MKLN1: variants seen among roughly 807,000 people sequenced by gnomAD.
MKLN1 encodes muskelin.
In MKLN1, 18 loss-of-function variants were observed where a neutral mutation model predicts 99.0. The ratio of observed to expected loss-of-function variants is 0.18; its 90% CI spans 0.13 to 0.27. MKLN1 has a LOEUF of 0.27. MKLN1 is among the 10% of genes least tolerant of loss of function. The probability of loss-of-function intolerance (pLI) is 1.00; values close to 1 mark genes in which losing one functional copy is unlikely to be tolerated. For synonymous variants in MKLN1, 288 were observed against 293.2 expected (o/e 0.98, Z 0.18); for missense variants, 621 against 875.9 (o/e 0.71, Z 3.67).
intron 6 of MKLN1, among the ~76,000 whole-genome samples, chr7:131,403,637 G>A (rs1056741424): frequency 4.6e-5 from 7 of 152,088 alleles, no homozygotes; most frequent in Non-Finnish European, 4.4e-5. Context: ...CTTAAAGGCC[G>A]TGGTAAAGAT....
intron 3 of MKLN1, among the ~76,000 whole-genome samples, chr7:131,251,421 C>T (rs969939566): frequency 1.3e-5 from 2 of 152,142 alleles, no homozygotes; most frequent in Non-Finnish European, 2.9e-5. Context: ...GGCCAAAGTC[C>T]TCATCTTATA....
chr7:131,302,242 G>T (rs747871151), intron 3 of MKLN1, among the ~76,000 whole-genome samples: 14 of 152,222 alleles, frequency 9.2e-5, no homozygotes, highest in Non-Finnish European at 1.8e-4. Flanking sequence ...CAATAACCAG[G>T]TGTACGCCCA....
At chr7:131,195,935 C>G (rs572325772) in intron 2 of MKLN1, among the ~76,000 whole-genome samples, 2 of 152,244 alleles carry the variant, frequency 1.3e-5, no homozygotes, top group South Asian at 4.1e-4. Flanking sequence ...GGAGACAGAG[C>G]TAGACTCCAT....
At chr7:131,141,095 T>C (rs1795725894) in intron 1 of MKLN1, among the ~76,000 whole-genome samples, 1 of 152,070 alleles carries the variant, frequency 6.6e-6, no homozygotes, top group African/African-American at 2.4e-5. Flanking sequence ...ACACCATCCT[T>C]TATTTAAGCT....
At chr7:131,189,530 A>G (rs1796502948) in intron 2 of MKLN1, among the ~76,000 whole-genome samples, 1 of 41,306 alleles carries the variant, frequency 2.4e-5, no homozygotes, top group Non-Finnish European at 5.1e-5. Context: ...ATATTAAAAA[A>G]CAAACAAAAA....
chr7:131,230,671 A>G (rs1439382058), intron 3 of MKLN1, among the ~76,000 whole-genome samples: 3 of 152,230 alleles, frequency 2.0e-5, no homozygotes, highest in African/African-American at 7.2e-5. Flanking sequence ...AGTCAGGTTC[A>G]CATGGCATTC....
At chr7:131,291,101 T>TTTTATTTATTTATTTATTTA (rs58711955) in intron 3 of MKLN1, among the ~76,000 whole-genome samples, 10 of 134,842 alleles carry the variant, frequency 7.4e-5, no homozygotes, top group South Asian at 2.5e-4. Context: ...TCTCATTTTA[T>TTTTATTTATTTATTTATTTA]TTTATTTATT....
In MKLN1 at chr7:131,143,035, C is replaced by T. The variant is rs553613749; in HGVS notation, c.-297+94C>T. ...CTTTTCAAATTCTTCTCTCTGGAGT[C>T]TTCATCAGAAGATGTGACTGGAGTC... On this transcript the variant is annotated intron_variant, in intron 2 of 7. Transcript: ENST00000416992. 57 of 884,516 alleles carry T rather than the reference C, an allele frequency of 6.4e-5. No individual in the cohort carries two copies. In the South Asian group the frequency reaches 7.9e-4, roughly 12 times the overall value. The allele number at this position is 884,516 out of a possible 1,614,324, so 54.8% of individuals were successfully genotyped here.
At chr7:131,141,019 C>T (rs1419635865) in intron 1 of MKLN1, among the ~76,000 whole-genome samples, 4 of 152,144 alleles carry the variant, frequency 2.6e-5, no homozygotes, top group Non-Finnish European at 4.4e-5. Context: ...CTCCTGATCT[C>T]GTGATCCACC....
At chr7:131,229,754 A>C (rs879389149) in intron 3 of MKLN1, among the ~76,000 whole-genome samples, 12 of 151,732 alleles carry the variant, frequency 7.9e-5, no homozygotes, top group Non-Finnish European at 1.8e-4. Context: ...GGGTCTTGCC[A>C]TGTTGCCCGG....
chr7:131,237,053 T>A (rs1225421634), intron 3 of MKLN1, among the ~76,000 whole-genome samples: 1 of 152,172 alleles, frequency 6.6e-6, no homozygotes, highest in African/African-American at 2.4e-5. Flanking sequence ...AAGCTCTCAC[T>A]GATTTTTTGT....
chr7:131,164,517 C>G (rs1182911398), intron 2 of MKLN1, among the ~76,000 whole-genome samples: 1 of 152,154 alleles, frequency 6.6e-6, no homozygotes, highest in Admixed American at 6.5e-5. Context: ...AAAAATCAAG[C>G]CCTAAGAAGC....
chr7:131,173,185 A>G (rs1796242009), intron 2 of MKLN1, among the ~76,000 whole-genome samples: 1 of 151,948 alleles, frequency 6.6e-6, no homozygotes, highest in Non-Finnish European at 1.5e-5. Flanking sequence ...AACAGACATA[A>G]TAAAGCAAAA....
Position 131,407,917 on chromosome 7 carries a change from A to C in MKLN1, c.704-3389A>C, listed in dbSNP as rs1794756651. Among the ~76,000 whole-genome samples the C allele has an allele frequency of 3.3e-5, 5 of 151,988 alleles. No individual in the cohort carries two copies. The South Asian group carries it at 1.0e-3, about 32-fold the overall frequency. On this transcript the variant is annotated intron_variant, in intron 6 of 17. Transcript: ENST00000352689. ...CTCATTTTGTTCATAAAAGATTGTT[A>C]ATTTTCTGTCAAGTACATTTCCAAA...
chr7:131,223,904 T>C (rs1202755581), intron 3 of MKLN1, among the ~76,000 whole-genome samples: 2 of 152,028 alleles, frequency 1.3e-5, no homozygotes, highest in African/African-American at 4.8e-5. Context: ...GTAGCTGGGA[T>C]TACAGGCACA....
At chr7:131,401,019 TAAGGAAG>T (rs1418040346) in intron 6 of MKLN1, among the ~76,000 whole-genome samples, 1 of 152,100 alleles carries the variant, frequency 6.6e-6, no homozygotes, top group Non-Finnish European at 1.5e-5. Context: ...GTTGGACAAA[TAAGGAAG>T]TAAACAGTGC....
At chr7:131,275,940 G>T (rs1191027544) in intron 3 of MKLN1, among the ~76,000 whole-genome samples, 4 of 152,136 alleles carry the variant, frequency 2.6e-5, no homozygotes, top group African/African-American at 9.7e-5. Flanking sequence ...GGATAGGGAG[G>T]TTGGGTCAGA....
intron 2 of MKLN1, among the ~76,000 whole-genome samples, chr7:131,382,118 A>G (rs1049370241): frequency 2.0e-5 from 3 of 152,158 alleles, no homozygotes; most frequent in Non-Finnish European, 4.4e-5. Flanking sequence ...TAATCCCAGC[A>G]CTTTGGGAGG....
chr7:131,406,842 A>G (rs185734321), intron 6 of MKLN1, among the ~76,000 whole-genome samples: 18 of 152,196 alleles, frequency 1.2e-4, no homozygotes, highest in African/African-American at 3.6e-4. Context: ...GAGGTGTGCT[A>G]TCATTTTCAA....
Sources: gnomAD v4.1 joint callset for allele counts (sites outside exome capture counted in the v4.1 genomes callset) on GRCh38, gnomAD v4.1.1 for gene constraint, MANE v1.5 for transcripts, NCBI Gene and HGNC (gene_info 2026-07-23, HGNC 2026-07-21) for gene names.